Variants in RBMS1 observed in about 807,000 individuals in gnomAD.
RBMS1 encodes the protein RNA-binding motif, single-stranded-interacting protein 1.
RBMS1 carries 17 observed loss-of-function variants against 62.3 expected under a neutral mutation model. That is an observed-to-expected ratio of 0.27 (90% CI 0.19 to 0.41). The LOEUF (loss-of-function observed/expected upper bound fraction) is 0.41, where lower values mean the gene tolerates loss of function less well. RBMS1 is among the 10% of genes least tolerant of loss of function. The pLI is 1.00. For missense variants in RBMS1, 334 were observed against 504.5 expected, an observed-to-expected ratio of 0.66 and a Z score of 3.24; for synonymous variants, 172 against 170.0, an observed-to-expected ratio of 1.01 and a Z score of -0.09.
intron 2 of RBMS1, among the ~76,000 whole-genome samples, chr2:160,349,751 C>T (rs974825193): frequency 1.4e-5 from 2 of 140,896 alleles, no homozygotes; most frequent in African/African-American, 5.3e-5. Flanking sequence ...ACTGATTTTG[C>T]TTATAATAAG....
intron 3 of RBMS1, among the ~76,000 whole-genome samples, chr2:160,314,841 C>A (rs1372863157): frequency 6.6e-6 from 1 of 152,102 alleles, no homozygotes; most frequent in Non-Finnish European, 1.5e-5. Flanking sequence ...TTAAACATAT[C>A]TTGGATGTTT....
At chr2:160,418,724 G>T (rs1696300863) in intron 1 of RBMS1, among the ~76,000 whole-genome samples, 1 of 152,210 alleles carries the variant, frequency 6.6e-6, no homozygotes, top group South Asian at 2.1e-4. Flanking sequence ...ATTGACTGCA[G>T]GTTGATTAAC....
chr2:160,336,402 C>T (rs1691571267), intron 2 of RBMS1, among the ~76,000 whole-genome samples: 1 of 152,012 alleles, frequency 6.6e-6, no homozygotes, highest in Non-Finnish European at 1.5e-5. Context: ...GGGGAGACAA[C>T]CCATGCCTCT....
At chr2:160,322,950 G>A (rs1390786390) in intron 2 of RBMS1, among the ~76,000 whole-genome samples, 1 of 152,142 alleles carries the variant, frequency 6.6e-6, no homozygotes, top group Non-Finnish European at 1.5e-5. Context: ...CAGGGACTGG[G>A]ATAAGGAGTG....
chr2:160,478,031 C>G (rs1296088974), intron 1 of RBMS1, among the ~76,000 whole-genome samples: 2 of 152,220 alleles, frequency 1.3e-5, no homozygotes, highest in Non-Finnish European at 2.9e-5. Context: ...ATCTTCTAGT[C>G]CTAGCGGGCC....
chr2:160,450,573 AAAAAAAC>A (rs1683935133), intron 1 of RBMS1, among the ~76,000 whole-genome samples: 4 of 150,018 alleles, frequency 2.7e-5, no homozygotes, highest in Admixed American at 2.0e-4. Flanking sequence ...TGAAAAAAAA[AAAAAAAC>A]AAAAAACATT....
At chr2:160,463,101 A>G (rs539187256) in intron 1 of RBMS1, among the ~76,000 whole-genome samples, 15 of 152,036 alleles carry the variant, frequency 9.9e-5, no homozygotes, top group Non-Finnish European at 2.1e-4. Context: ...AGAAAAAAAA[A>G]ATGTTATCCA....
At chr2:160,393,744 T>A (rs1358459676) in intron 1 of RBMS1, among the ~76,000 whole-genome samples, 1 of 141,004 alleles carries the variant, frequency 7.1e-6, no homozygotes, top group Non-Finnish European at 1.5e-5. Context: ...GCCATTGCAC[T>A]CCAGCCTGGA....
intron 1 of RBMS1, among the ~76,000 whole-genome samples, chr2:160,394,346 A>G (rs563187405): frequency 6.6e-6 from 1 of 152,344 alleles, no homozygotes; most frequent in African/African-American, 2.4e-5. Flanking sequence ...GAAACCACAG[A>G]GTAAATTCTG....
chr2:160,445,091 T>C (rs1040184184), intron 1 of RBMS1, among the ~76,000 whole-genome samples: 5 of 152,162 alleles, frequency 3.3e-5, no homozygotes, highest in African/African-American at 1.2e-4. Context: ...AGATCTAATT[T>C]TTACTCCACC....
intron 2 of RBMS1, among the ~76,000 whole-genome samples, chr2:160,324,997 C>T (rs562197592): frequency 4.6e-4 from 69 of 150,394 alleles, no homozygotes; most frequent in African/African-American, 1.5e-3. Context: ...AGTATTACTC[C>T]TACTTTGTAG....
chr2:160,365,973 G>A (rs1693373489), intron 2 of RBMS1, among the ~76,000 whole-genome samples: 1 of 152,180 alleles, frequency 6.6e-6, no homozygotes, highest in African/African-American at 2.4e-5. Context: ...AGTCGCTAGT[G>A]CAGGACATTA....
chr2:160,476,259 G>A (rs1351552112), intron 1 of RBMS1, among the ~76,000 whole-genome samples: 2 of 152,070 alleles, frequency 1.3e-5, no homozygotes, highest in East Asian at 3.9e-4. Flanking sequence ...ATGTGACAAC[G>A]ACAAACTAAC....
At chr2:160,332,921 T>C (rs1483343864) in intron 2 of RBMS1, among the ~76,000 whole-genome samples, 1 of 150,954 alleles carries the variant, frequency 6.6e-6, no homozygotes, top group East Asian at 1.9e-4. Context: ...TGTGTATAAA[T>C]GCATACACGA....
At chr2:160,421,020 TTC>T (rs1696401996) in intron 1 of RBMS1, among the ~76,000 whole-genome samples, 1 of 152,122 alleles carries the variant, frequency 6.6e-6, no homozygotes, top group Non-Finnish European at 1.5e-5. Context: ...ATGGCACAAC[TTC>T]TGTTGAAACT....
chr2:160,334,855 G>C (rs1691480029), intron 2 of RBMS1, among the ~76,000 whole-genome samples: 1 of 151,980 alleles, frequency 6.6e-6, no homozygotes, highest in Non-Finnish European at 1.5e-5. Context: ...AAGTGATTCT[G>C]GGGGAAAACA....
At chr2:160,287,962 T>G (rs908411842) in intron 6 of RBMS1, among the ~76,000 whole-genome samples, 2 of 150,734 alleles carry the variant, frequency 1.3e-5, no homozygotes, top group African/African-American at 4.9e-5. Context: ...TTTATATAAA[T>G]TCTTCTTACA....
chr2:160,380,809 C>T (rs966650079), intron 1 of RBMS1, among the ~76,000 whole-genome samples: 55 of 152,290 alleles, frequency 3.6e-4, no homozygotes, highest in Admixed American at 2.8e-3. Flanking sequence ...CCCACACCCT[C>T]GTGGCAGGGA....
chr2:160,471,858 G>A (rs1329970569), intron 1 of RBMS1, among the ~76,000 whole-genome samples: 1 of 151,650 alleles, frequency 6.6e-6, no homozygotes, highest in East Asian at 1.9e-4. Context: ...GCCAGGGTTA[G>A]AGGGAGGCAA....
Sources: gnomAD v4.1 joint callset for allele counts (sites outside exome capture counted in the v4.1 genomes callset) on GRCh38, gnomAD v4.1.1 for gene constraint, MANE v1.5 for transcripts, NCBI Gene and HGNC (gene_info 2026-07-23, HGNC 2026-07-21) for gene names.